Variants in SLC7A14 observed in about 807,000 individuals in gnomAD.
The protein encoded by SLC7A14 is gamma-aminobutyric acid transporter SLC7A14.
Under a neutral mutation model 60.2 loss-of-function variants are expected in SLC7A14, and 37 were observed. The observed-to-expected ratio is 0.61, with a 90% CI of 0.47 to 0.81. SLC7A14 has a LOEUF of 0.81. Ranked by LOEUF, SLC7A14 falls within the 30% of genes least tolerant of loss-of-function variation. The pLI, the probability that SLC7A14 is intolerant of heterozygous loss-of-function variation, is 0.00. For missense variants in SLC7A14, 886 were observed against 982.7 expected, an observed-to-expected ratio of 0.90 and a Z score of 1.32; for synonymous variants, 399 against 395.8, an observed-to-expected ratio of 1.01 and a Z score of -0.10.
intron 1 of SLC7A14, among the ~76,000 whole-genome samples, chr3:170,557,831 A>C (rs1714530623): frequency 6.6e-6 from 1 of 152,228 alleles, no homozygotes; most frequent in Admixed American, 6.5e-5. Flanking sequence ...ATTATTATTG[A>C]GAGGCAAGGA....
At chr3:170,524,601 T>C (rs1713437790) in intron 2 of SLC7A14, among the ~76,000 whole-genome samples, 1 of 152,256 alleles carries the variant, frequency 6.6e-6, no homozygotes, top group Non-Finnish European at 1.5e-5. Context: ...GGTATATGGC[T>C]GCCTTTTGTC....
intron 1 of SLC7A14, among the ~76,000 whole-genome samples, chr3:170,533,671 GT>G (rs1713746827): frequency 6.6e-6 from 1 of 151,364 alleles, no homozygotes; most frequent in Non-Finnish European, 1.5e-5. Context: ...GTGTGTGTGT[GT>G]GTGTGTGGTG....
intron 7 of SLC7A14, among the ~76,000 whole-genome samples, chr3:170,474,171 AACT>A (rs931214728): frequency 1.3e-5 from 2 of 152,212 alleles, no homozygotes; most frequent in Non-Finnish European, 2.9e-5. Context: ...AACAAACTGA[AACT>A]ACAAGCAACA....
intron 7 of SLC7A14, 21 bp downstream of exon 7, chr3:170,480,268 G>T: frequency 5.9e-6 from 9 of 1,516,782 alleles, no homozygotes; most frequent in Non-Finnish European, 7.9e-6. Flanking sequence ...AACTCTTAAG[G>T]CTCCAAAGGA....
At chr3:170,570,402 T>C (rs957256690) in intron 1 of SLC7A14, 4 of 151,704 alleles carry the variant, frequency 2.6e-5, no homozygotes, top group Non-Finnish European at 5.9e-5. Flanking sequence ...TAAGCCATAA[T>C]TGCACCGCCG....
intron 4 of SLC7A14, among the ~76,000 whole-genome samples, chr3:170,491,680 A>G (rs1712224931): frequency 1.3e-5 from 2 of 152,142 alleles, no homozygotes; most frequent in African/African-American, 4.8e-5. Context: ...TCCTAGAAGT[A>G]GCGGCCTTGT....
intron 1 of SLC7A14, among the ~76,000 whole-genome samples, chr3:170,533,472 A>G (rs1713740276): frequency 6.6e-6 from 1 of 152,248 alleles, no homozygotes; most frequent in South Asian, 2.1e-4. Context: ...TTGGAGTCTT[A>G]TCTTTCCTAG....
chr3:170,561,468 C>A (rs748751221), intron 1 of SLC7A14, among the ~76,000 whole-genome samples: 5 of 152,204 alleles, frequency 3.3e-5, no homozygotes, highest in African/African-American at 7.2e-5. Flanking sequence ...TTAGACTAAT[C>A]TGTTGTGGAC....
At chr3:170,529,484 A>C (rs931020003) in intron 1 of SLC7A14, among the ~76,000 whole-genome samples, 1 of 152,200 alleles carries the variant, frequency 6.6e-6, no homozygotes, top group African/African-American at 2.4e-5. Context: ...TATACAAAGC[A>C]TCTTCTCTGT....
chr3:170,481,265 A>AT, intron 6 of SLC7A14, 99 bp from the exon 7 acceptor site: 1 of 1,285,370 alleles, frequency 7.8e-7, no homozygotes, highest in Non-Finnish European at 1.1e-6. Context: ...GGCTGGTGTG[A>AT]TTAACTCCTC....
intron 7 of SLC7A14, among the ~76,000 whole-genome samples, chr3:170,471,379 T>A (rs1416909950): frequency 6.6e-6 from 1 of 152,164 alleles, no homozygotes; most frequent in Non-Finnish European, 1.5e-5. Context: ...ACCAGCTCCC[T>A]TCATGCTCCC....
At chr3:170,501,785 C>A (rs904341588) in intron 2 of SLC7A14, among the ~76,000 whole-genome samples, 1 of 152,154 alleles carries the variant, frequency 6.6e-6, no homozygotes, top group Non-Finnish European at 1.5e-5. Flanking sequence ...ATACTTTGAG[C>A]AATCTGTGAA....
chr3:170,549,067 A>G (rs1032628897), intron 1 of SLC7A14, among the ~76,000 whole-genome samples: 3 of 152,204 alleles, frequency 2.0e-5, no homozygotes, highest in Admixed American at 6.5e-5. Context: ...AAATATTTTC[A>G]CATTTGATTA....
chr3:170,498,782 T>A lies in SLC7A14; in HGVS notation c.644A>T (p.Asn215Ile), dbSNP rs754183318. 1.2e-6 allele frequency: 2 copies of A among 1,614,172 alleles called. No homozygotes were observed. The highest frequency in any genetic ancestry group is 1.7e-6 in the Non-Finnish European group (2 of 1,180,034). ...LGVKNSIGFN[N>I]VLNVLNLAVW... is the part of the protein sequence containing the mutation. ...TGCCAGGTTCAGCACATTGAGAACA[T>A]TGTTGAAGCCTATGGAATTCTTCAC... The change falls in exon 4 of 8, where the codon AAT (asparagine) becomes ATT (isoleucine). Residue 215 changes from asparagine (N) to isoleucine (I), a missense_variant. Asn to Ile is a moderately radical substitution (Grantham distance 149, BLOSUM62 -3). Coordinates refer to ENST00000231706, the MANE Select transcript of SLC7A14 (RefSeq NM_020949.3).
intron 2 of SLC7A14, among the ~76,000 whole-genome samples, chr3:170,511,610 C>T (rs1034238845): frequency 3.7e-4 from 57 of 152,140 alleles, no homozygotes; most frequent in African/African-American, 1.1e-3. Flanking sequence ...TATTCATTGA[C>T]GAGGAAGAGG....
At chr3:170,525,014 T>C (rs927234590) in intron 2 of SLC7A14, among the ~76,000 whole-genome samples, 2 of 152,242 alleles carry the variant, frequency 1.3e-5, no homozygotes, top group African/African-American at 4.8e-5. Context: ...GCACTATTTA[T>C]TCTACACGTA....
chr3:170,563,111 G>A (rs1714697832), intron 1 of SLC7A14, among the ~76,000 whole-genome samples: 1 of 152,062 alleles, frequency 6.6e-6, no homozygotes, highest in Non-Finnish European at 1.5e-5. Context: ...TTAATGTGCT[G>A]ACCAAAGGAA....
At chr3:170,472,448 G>T (rs939722830) in intron 7 of SLC7A14, among the ~76,000 whole-genome samples, 3 of 150,744 alleles carry the variant, frequency 2.0e-5, no homozygotes, top group African/African-American at 4.9e-5. Context: ...CCTGGTCAAA[G>T]GTAATGGTGG....
chr3:170,473,896 T>C (rs909000965), intron 7 of SLC7A14, among the ~76,000 whole-genome samples: 2 of 152,204 alleles, frequency 1.3e-5, no homozygotes, highest in Admixed American at 6.5e-5. Flanking sequence ...CTTATTTTAT[T>C]TGCAGTATAT....
Sources: allele counts gnomAD v4.1 joint callset (sites outside exome capture counted in the v4.1 genomes callset), GRCh38; gene constraint gnomAD v4.1.1; transcripts MANE v1.5; gene names NCBI Gene and HGNC (gene_info 2026-07-23, HGNC 2026-07-21).